CPSF1: variants seen among roughly 807,000 people sequenced by gnomAD.
CPSF1 encodes the protein cleavage and polyadenylation specific factor 1, also known as cleavage and polyadenylation specificity factor subunit 1.
A neutral mutation model predicts 175.8 loss-of-function variants in CPSF1; 106 were observed. The observed-to-expected ratio is 0.60, with a 90% confidence interval of 0.52 to 0.71. CPSF1 has a LOEUF of 0.71. CPSF1 is among the 30% of genes least tolerant of loss of function. The pLI is 0.00. For synonymous variants in CPSF1, 1,024 were observed against 858.3 expected (o/e 1.19, Z -3.37); for missense variants, 1,734 against 2,022.9 (o/e 0.86, Z 2.74).
At chr8:144,401,755 G>T in intron 2 of CPSF1, 82 bp from the exon 3 acceptor site, 1 of 1,436,316 alleles carries the variant, frequency 7.0e-7, no homozygotes, top group Non-Finnish European at 9.4e-7. Context: ...AGACCACCAA[G>T]CCTGGCCCCT....
intron 2 of CPSF1, 98 bp downstream of exon 2, chr8:144,408,917 C>T (rs1417278941): frequency 1.4e-6 from 2 of 1,446,460 alleles, no homozygotes; most frequent in African/African-American, 2.8e-5. Context: ...AAGCAAATCA[C>T]TCAACTTGTC....
intron 2 of CPSF1, 136 bp downstream of exon 2, chr8:144,408,879 G>T: frequency 9.6e-7 from 1 of 1,039,368 alleles, no homozygotes; most frequent in Non-Finnish European, 1.4e-6. Context: ...TCAGGGTCAT[G>T]TCCTGGCTCC....
chr8:144,400,302 C>T, intron 8 of CPSF1, 26 bp from the exon 9 acceptor site: 1 of 1,609,290 alleles, frequency 6.2e-7, no homozygotes, highest in East Asian at 2.2e-5. Flanking sequence ...GGCTGGTGGG[C>T]AGGCTCAGTG....
chr8:144,400,062 T>A lies in CPSF1; in HGVS notation c.961A>T (p.Thr321Ser). 6.2e-7 allele frequency: 1 copy of A among 1,605,178 alleles called. No homozygotes were observed. Among genetic ancestry groups the A allele is most frequent in the Non-Finnish European group, 8.5e-7 (1 of 1,178,850 alleles). The change falls in exon 10 of 38, where the codon ACC becomes TCC. Residue 321 changes from threonine (T) to serine (S), a missense_variant. Thr to Ser is a moderately conservative substitution (Grantham distance 58). Coordinates refer to ENST00000616140, the MANE Select transcript of CPSF1 (RefSeq NM_013291.3). ...PLRTQEGVRI[T>S]LDCAQATFIS... ...AAGGTGGCCTGGGCGCAGTCCAGGG[T>A]GATCCGCACACCCTCCTGGGTGCCT...
intron 5 of CPSF1, 22 bp downstream of exon 5, chr8:144,401,189 G>A (rs2116882409): frequency 3.4e-5 from 53 of 1,547,898 alleles, no homozygotes; most frequent in South Asian, 7.1e-5. Context: ...GGGCCTGGGC[G>A]GGGGCGGGAG....
chr8:144,395,721 CTG>C (rs1820682896), intron 26 of CPSF1, 170 bp from the exon 27 acceptor site: 1 of 620,344 alleles, frequency 1.6e-6, no homozygotes, highest in East Asian at 2.7e-5. Flanking sequence ...CACTCAGCCT[CTG>C]GGGCTCCTCC....
chr8:144,397,661 G>A lies in CPSF1; in HGVS notation c.2211C>T (p.Ser737=), dbSNP rs202040346. Residue 737 remains serine, a splice_region_variant and synonymous_variant, in exon 22 of 38, where the codon AGC becomes AGT. Coordinates refer to ENST00000616140, the MANE Select transcript of CPSF1 (RefSeq NM_013291.3). ...TCTCCTCCTCGTCATCCACTGTGGG[G>A]CTGGGGGCCAGCAGAAGGTCATGGG... ...PEAEGLGSET[S]PTVDDEEEML... The A allele has an allele frequency of 2.6e-6, 4 of 1,540,324 alleles. No individual in the cohort carries two copies. Among genetic ancestry groups the A allele is most frequent in the Non-Finnish European group, 2.6e-6 (3 of 1,140,074 alleles).
chr8:144,401,900 C>T (rs1821229813), intron 2 of CPSF1, among the ~76,000 whole-genome samples: 1 of 152,170 alleles, frequency 6.6e-6, no homozygotes, highest in Non-Finnish European at 1.5e-5. Flanking sequence ...AGGCCCCTCC[C>T]CAGGAAGCCC....
At chr8:144,397,071 G>T in intron 23 of CPSF1, 136 bp downstream of exon 23, 1 of 920,180 alleles carries the variant, frequency 1.1e-6, no homozygotes, top group Non-Finnish European at 1.6e-6. Context: ...GGCTGTGAGG[G>T]AGATGGGGTG....
rs926790926 is a variant in CPSF1, at chr8:144,399,171, C to T, written c.1424G>A (p.Cys475Tyr). The T allele has an allele frequency of 1.0e-5, 16 of 1,604,706 alleles. No individual in the cohort carries two copies. The highest frequency in any genetic ancestry group is 1.4e-5 in the Non-Finnish European group (16 of 1,176,476). The change falls in exon 15 of 38, where the codon TGT becomes TAT. Residue 475 changes from cysteine (C) to tyrosine (Y), a missense_variant. Cys to Tyr is a radical substitution (Grantham distance 194). Transcript: ENST00000616140. The surrounding 1 kb of genome is among the most constrained non-coding windows in gnomAD (Gnocchi z 6.4). ...AGGCTCGCCCACGGCGGCATTGGCA[C>T]AGGGTCCAATGTTCAGGATGCTGTC... ...VCDSILNIGP[C>Y]ANAAVGEPAF...
chr8:144,393,366 C>G lies in CPSF1; in HGVS notation c.4285-1G>C. 8.9e-7 allele frequency: 1 copy of G among 1,120,992 alleles called. No individual in the cohort carries two copies. Among genetic ancestry groups the G allele is most frequent in the Non-Finnish European group, 1.2e-6 (1 of 854,586 alleles). 69.4% of individuals were successfully genotyped at this position (1,120,992 alleles called of 1,614,324 possible). ...CCGTCTCCAGCAAGTCGTCCAGGAT[C>G]TGCAGGGGATGGAAGGGTGGGTGGG... On this transcript the variant is annotated splice_acceptor_variant, in intron 37 of 37. Transcript: ENST00000616140. LOFTEE classifies it high-confidence loss of function.
At chr8:144,400,134 G>GCCCCCCC (rs782373475) in intron 9 of CPSF1, 32 bp downstream of exon 9, 37 of 966,506 alleles carry the variant, frequency 3.8e-5, no homozygotes, top group South Asian at 7.9e-5. Flanking sequence ...GCCGTCCCCG[G>GCCCCCCC]GCCCCCCCCG....
intron 2 of CPSF1, among the ~76,000 whole-genome samples, chr8:144,402,621 G>A (rs1329885080): frequency 6.6e-6 from 1 of 152,172 alleles, no homozygotes; most frequent in Non-Finnish European, 1.5e-5. Flanking sequence ...CGATGGACTT[G>A]TGCTATGGGG....
At chr8:144,400,581 A>G in intron 7 of CPSF1, 88 bp from the exon 8 acceptor site, 2 of 1,604,504 alleles carry the variant, frequency 1.2e-6, no homozygotes, top group Admixed American at 1.7e-5. Flanking sequence ...ACCACACCCC[A>G]TAGGCCCCGC....
In CPSF1 at chr8:144,396,708, G is replaced by C. The variant is rs572559162; in HGVS notation, c.2716C>G (p.Pro906Ala). 26 of 1,613,940 alleles carry C rather than the reference G, an allele frequency of 1.6e-5. No homozygotes were observed. In the South Asian group the frequency reaches 2.7e-4, roughly 17 times the overall value. ...PHNINFREKK[P>A]KPSKKKAEGG... ...TCTGCTTTCTTCTTGGATGGCTTTG[G>C]CTTCTTCTCACGGAAGTTGATGTTG... is the stretch of plus-strand genomic sequence containing the variant. The change falls in exon 25 of 38, where the codon CCA (proline) becomes GCA (alanine). Residue 906 changes from proline (P) to alanine (A), a missense_variant. Pro to Ala is a conservative substitution (Grantham distance 27). Transcript: ENST00000616140.
chr8:144,408,893 G>A, intron 2 of CPSF1, 122 bp downstream of exon 2: 2 of 1,228,602 alleles, frequency 1.6e-6, no homozygotes, highest in Non-Finnish European at 2.3e-6. Flanking sequence ...TGGCTCCTCA[G>A]GCTGAGGAAC....
chr8:144,400,135 G>GCCCCCCCC (rs1491238659), intron 9 of CPSF1, 31 bp downstream of exon 9: 9 of 896,716 alleles, frequency 1.0e-5, no homozygotes, highest in South Asian at 3.3e-5. Flanking sequence ...CCGTCCCCGG[G>GCCCCCCCC]CCCCCCCCGC....
chr8:144,395,564 C>G lies in CPSF1; in HGVS notation c.2980-13G>C. On this transcript the variant is annotated splice_polypyrimidine_tract_variant and intron_variant, in intron 26 of 37. Transcript: ENST00000616140. ...TCCTCAGCTCGCCCTGGGGTGGGGG[C>G]ACAGGGGTCAGGGGATCCAGGGCTA... 8.8e-7 allele frequency: 1 copy of G among 1,137,342 alleles called. No homozygotes were observed. Among genetic ancestry groups the G allele is most frequent in the Non-Finnish European group, 1.3e-6 (1 of 783,030 alleles). The allele number at this position is 1,137,342 out of a possible 1,614,324, so 70.5% of individuals were successfully genotyped here.
intron 2 of CPSF1, among the ~76,000 whole-genome samples, chr8:144,403,842 G>A (rs183200956): frequency 7.3e-5 from 11 of 151,686 alleles, no homozygotes; most frequent in African/African-American, 2.2e-4. Flanking sequence ...GAGCCACCGC[G>A]CCCAACTTCC....
Sources: gnomAD v4.1 joint callset for allele counts (sites outside exome capture counted in the v4.1 genomes callset) on GRCh38, gnomAD v4.1.1 for gene constraint, Gnocchi (gnomAD v3.1) non-coding constraint, MANE v1.5 for transcripts, NCBI Gene and HGNC (gene_info 2026-07-23, HGNC 2026-07-21) for gene names.